The following PRAMEF9 variants were observed in gnomAD, a reference collection of about 807,000 sequenced individuals.
PRAMEF9 encodes PRAME family member 9/15.
PRAMEF9 carries 1 observed loss-of-function variant against 10.9 expected under a neutral mutation model. That is an observed-to-expected ratio of 0.09 (90% CI 0.03 to 0.44). The LOEUF (loss-of-function observed/expected upper bound fraction) is 0.44. PRAMEF9 is among the 20% of genes least tolerant of loss of function. The pLI, the probability that PRAMEF9 is intolerant of heterozygous loss-of-function variation, is 0.97. For synonymous variants in PRAMEF9, 40 were observed against 148.3 expected, an observed-to-expected ratio of 0.27 and a Z score of 5.31; for missense variants, 126 against 379.8, an observed-to-expected ratio of 0.33 and a Z score of 5.55.
intron 1 of PRAMEF9, chr1:13,172,833 G>A (rs1480317048): frequency 7.1e-6 from 1 of 141,684 alleles, no homozygotes; most frequent in African/African-American, 2.5e-5. Flanking sequence ...AGGGGTTTGA[G>A]ACCAACCTGG....
chr1:13,175,186 G>C (rs1217455089), intron 1 of PRAMEF9, 79 bp from the exon 2 acceptor site: 57,348 of 1,365,842 alleles, frequency 0.042, 437 homozygotes, highest in African/African-American at 0.28. Context: ...AGAGCAGTGA[G>C]TTTGGCCATA....
Position 13,176,573 on chromosome 1 carries a change from T to A in PRAMEF9, c.626T>A (p.Ile209Asn). ...SILKMVNLDC[I>N]QEVEVNCKWV... ...CTGAAAATGGTGAACCTAGACTGTA[T>A]CCAGGAGGTGGAAGTGAATTGCAAG... The change falls in exon 3 of 4, where the codon ATC becomes AAC. Residue 209 changes from isoleucine to asparagine, a missense_variant. Coordinates refer to ENST00000415919, the MANE Select transcript of PRAMEF9 (RefSeq NM_001010890.3). 2.5e-6 allele frequency: 1 copy of A among 404,742 alleles called. No individual in the cohort carries two copies. Among genetic ancestry groups the A allele is most frequent in the African/African-American group, 5.3e-5 (1 of 18,822 alleles). 25.1% of individuals were successfully genotyped at this position (404,742 alleles called of 1,614,324 possible).
In PRAMEF9 at chr1:13,175,157, G is replaced by A; in HGVS notation, c.-16-108G>A. 4.0e-6 allele frequency: 5 copies of A among 1,251,116 alleles called. 1 individual carries two copies. The highest frequency in any genetic ancestry group is 1.4e-5 in the African/African-American group (1 of 71,732). 77.5% of individuals were successfully genotyped at this position (1,251,116 alleles called of 1,614,324 possible). A position where few individuals can be genotyped will look rare whatever the true frequency, so the allele number is the denominator to read the frequency against. On this transcript the variant is annotated intron_variant, in intron 1 of 3. Transcript: ENST00000415919. ...ACAGAGTAGAATTGGAGTAAACTGA[G>A]GGCTGTTTCACCATTGCCAGAGCAG...
Position 13,179,000 on chromosome 1 carries a change from A to G in PRAMEF9, c.1305A>G (p.Gln435=), listed in dbSNP as rs782793625. The G allele has an allele frequency of 2.7e-5, 41 of 1,540,994 alleles. 2 individuals carry two copies. The highest frequency in any genetic ancestry group is 1.2e-4 in the African/African-American group (9 of 74,170). Residue 435 remains glutamine (Q), a synonymous_variant, in exon 4 of 4, where the codon CAA becomes CAG. Transcript: ENST00000415919. ...DGTLCWSRFA[Q]IRAELMNRVR... The stretch of plus-strand genomic sequence containing the variant: ...CTCTCTGCTGGAGCAGATTTGCTCA[A>G]ATTAGGGCTGAGCTGATGAACAGAG...
rs1638336019 is a variant in PRAMEF9, at chr1:13,172,489, T to C, written c.-60T>C. ...CTTCAAGCCTGGAGTTCCTGCTTGG[T>C]TCTTCCTGAGGTCTGAGCACCTTCT... On this transcript the variant is annotated 5_prime_UTR_variant, in exon 1 of 4. Transcript: ENST00000415919. 7.1e-6 allele frequency: 1 copy of C among 141,734 alleles called. No individual in the cohort carries two copies. The highest frequency in any genetic ancestry group is 7.3e-5 in the Admixed American group (1 of 13,716). 8.8% of individuals were successfully genotyped at this position (141,734 alleles called of 1,614,324 possible).
chr1:13,172,810 A>T (rs1326989085), intron 1 of PRAMEF9: 1 of 141,552 alleles, frequency 7.1e-6, no homozygotes, highest in African/African-American at 2.4e-5. Context: ...AAGTGGGAGG[A>T]TCATTTCAGC....
chr1:13,175,170 AT>A, intron 1 of PRAMEF9, 94 bp from the exon 2 acceptor site: 2 of 1,280,116 alleles, frequency 1.6e-6, no homozygotes, highest in African/African-American at 1.4e-5. Flanking sequence ...CTGTTTCACC[AT>A]TGCCAGAGCA....
In PRAMEF9 at chr1:13,171,891, T is replaced by C. The variant is rs1472378699; in HGVS notation, c.-658T>C. ...TTTTTTCTTTTTCTTTTTTTTTTTTTTTTTTTTTAAATCTAGCCTATTTCC... is the reference window on the plus strand; with the variant it reads ...TTTTTTCTTTTTCTTTTTTTTTTTTCTTTTTTTTAAATCTAGCCTATTTCC... On this transcript the variant is annotated 5_prime_UTR_variant, in exon 1 of 4. Coordinates refer to ENST00000415919, the MANE Select transcript of PRAMEF9 (RefSeq NM_001010890.3). 1 of 141,134 alleles carries C rather than the reference T, an allele frequency of 7.1e-6. No individual in the cohort carries two copies. Among genetic ancestry groups the C allele is most frequent in the Non-Finnish European group, 1.6e-5 (1 of 62,368 alleles). 8.7% of individuals were successfully genotyped at this position (141,134 alleles called of 1,614,324 possible).
At chr1:13,175,009 C>G (rs1334750678) in intron 1 of PRAMEF9, 10 of 424,930 alleles carry the variant, frequency 2.4e-5, no homozygotes, top group African/African-American at 1.8e-4. Flanking sequence ...TCCACACTCA[C>G]TAGTCACTGG....
At position 13,172,527 on chromosome 1, in the gene PRAMEF9, G is replaced by T. The variant is rs1298505568; in HGVS notation, c.-22G>T. On this transcript the variant is annotated 5_prime_UTR_variant, in exon 1 of 4. Coordinates refer to ENST00000415919, the MANE Select transcript of PRAMEF9 (RefSeq NM_001010890.3). The stretch of plus-strand genomic sequence containing the variant: ...CTGAGCACCTTCTAAACTACATCCA[G>T]ATCTGGTAAGTCACTAATTTCTGTA... 9 of 140,864 alleles carry T rather than the reference G, an allele frequency of 6.4e-5. No homozygotes were observed. The highest frequency in any genetic ancestry group is 2.2e-4 in the African/African-American group (9 of 40,698). The allele number at this position is 140,864 out of a possible 1,614,324, so 8.7% of individuals were successfully genotyped here.
rs1638318281 is a variant in PRAMEF9 at position 13,171,865 on chromosome 1, C to CTTTTCTCTTT, written c.-680_-679insCTCTTTTTTT. On this transcript the variant is annotated 5_prime_UTR_variant, in exon 1 of 4. Coordinates refer to ENST00000415919, the MANE Select transcript of PRAMEF9 (RefSeq NM_001010890.3). Reference sequence around the variant, plus strand: ...GAATCAAATGTAGTTCTCTCTCTCTCTTTTTTCTTTTTCTTTTTTTTTTTT... The same window carrying CTTTTCTCTTT: ...GAATCAAATGTAGTTCTCTCTCTCTCTTTTCTCTTTTTTTTTCTTTTTCTTTTTTTTTTTT... The CTTTTCTCTTT allele has an allele frequency of 8.0e-6, 1 of 124,578 alleles. No homozygotes were observed. Among genetic ancestry groups the CTTTTCTCTTT allele is most frequent in the African/African-American group, 2.6e-5 (1 of 39,152 alleles). The allele number at this position is 124,578 out of a possible 1,614,324, so 7.7% of individuals were successfully genotyped here.
chr1:13,175,090 T>C lies in PRAMEF9; in HGVS notation c.-16-175T>C, dbSNP rs1455170000. 19 of 683,560 alleles carry C rather than the reference T, an allele frequency of 2.8e-5. No homozygotes were observed. In the African/African-American group the frequency reaches 3.2e-4, roughly 12 times the overall value. 42.3% of individuals were successfully genotyped at this position (683,560 alleles called of 1,614,324 possible). A position where few individuals can be genotyped will look rare whatever the true frequency, so the allele number is the denominator to read the frequency against. The stretch of plus-strand genomic sequence containing the variant: ...CTCACTGCTTCGGAGACGCTCATGC[T>C]GATGCAGCAGAGGCAGAATGCTGGC... On this transcript the variant is annotated intron_variant, in intron 1 of 3. Coordinates refer to ENST00000415919, the MANE Select transcript of PRAMEF9 (RefSeq NM_001010890.3).
intron 1 of PRAMEF9, 141 bp downstream of exon 1, chr1:13,172,673 A>G (rs1442460500): frequency 1.3e-4 from 17 of 132,568 alleles, no homozygotes; most frequent in African/African-American, 3.9e-4. Flanking sequence ...GAAGCTTTGA[A>G]TGTTTTCCTC....
In PRAMEF9 at chr1:13,172,047, G is replaced by A. The variant is rs1241440541; in HGVS notation, c.-502G>A. 1.1e-4 allele frequency: 16 copies of A among 143,198 alleles called. No homozygotes were observed. Among genetic ancestry groups the A allele is most frequent in the African/African-American group, 3.7e-4 (15 of 40,866 alleles). The allele number at this position is 143,198 out of a possible 1,614,324, so 8.9% of individuals were successfully genotyped here. A position where few individuals can be genotyped will look rare whatever the true frequency, so the allele number is the denominator to read the frequency against. The stretch of plus-strand genomic sequence containing the variant: ...AGACCACCGCAACTGGCTAATTTTT[G>A]TAATTTTAGTAGAGGTAGGGTTTTA... On this transcript the variant is annotated 5_prime_UTR_variant, in exon 1 of 4. Coordinates refer to ENST00000415919, the MANE Select transcript of PRAMEF9 (RefSeq NM_001010890.3).
At position 13,172,249 on chromosome 1, in the gene PRAMEF9, T is replaced by A. The variant is rs1227202943; in HGVS notation, c.-300T>A. 4.1e-5 allele frequency: 6 copies of A among 144,888 alleles called. 2 individuals are homozygous for A. The East Asian group carries it at 1.1e-3, about 26-fold the overall frequency. The allele number at this position is 144,888 out of a possible 1,614,324, so 9.0% of individuals were successfully genotyped here. On this transcript the variant is annotated 5_prime_UTR_variant, in exon 1 of 4. Transcript: ENST00000415919. The stretch of plus-strand genomic sequence containing the variant: ...TCTTGCTTCGTGAAGTGAATATAGA[T>A]ATGTGATATGAATGGACATCTGATT...
rs1157697429 is a variant in PRAMEF9 at position 13,172,402 on chromosome 1, T to G, written c.-147T>G. 3 of 143,272 alleles carry G rather than the reference T, an allele frequency of 2.1e-5. 1 individual carries two copies. In the Admixed American group the frequency reaches 2.1e-4, roughly 10 times the overall value. 8.9% of individuals were successfully genotyped at this position (143,272 alleles called of 1,614,324 possible). On this transcript the variant is annotated 5_prime_UTR_variant, in exon 1 of 4. Transcript: ENST00000415919. Reference sequence around the variant, plus strand: ...CAGCGGATACGTGGAGGGGCGTGGGTGGGAGTTATGATTAGAAAGGTCAAT... The same window carrying G: ...CAGCGGATACGTGGAGGGGCGTGGGGGGGAGTTATGATTAGAAAGGTCAAT...
At chr1:13,175,110 G>C (rs879075259) in intron 1 of PRAMEF9, 155 bp from the exon 2 acceptor site, 64,069 of 793,992 alleles carry the variant, frequency 0.081, 861 homozygotes, top group South Asian at 0.12. Context: ...GAGGCAGAAT[G>C]CTGGCTTAAT....
rs1177642860 is a variant in PRAMEF9 at position 13,172,396 on chromosome 1, C to T, written c.-153C>T. 3 of 143,548 alleles carry T rather than the reference C, an allele frequency of 2.1e-5. No individual in the cohort carries two copies. The highest frequency in any genetic ancestry group is 3.1e-5 in the Non-Finnish European group (2 of 63,604). The allele number at this position is 143,548 out of a possible 1,614,324, so 8.9% of individuals were successfully genotyped here. A position where few individuals can be genotyped will look rare whatever the true frequency, so the allele number is the denominator to read the frequency against. On this transcript the variant is annotated 5_prime_UTR_variant, in exon 1 of 4. Transcript: ENST00000415919. ...AGCTAGCAGCGGATACGTGGAGGGG[C>T]GTGGGTGGGAGTTATGATTAGAAAG...
At chr1:13,172,983 A>C (rs1405361755) in intron 1 of PRAMEF9, 7 of 127,730 alleles carry the variant, frequency 5.5e-5, no homozygotes, top group Non-Finnish European at 5.4e-5. Context: ...AGCAATTCTC[A>C]TGCCTCAGTC....
Sources: allele counts gnomAD v4.1 joint callset, GRCh38; gene constraint gnomAD v4.1.1; transcripts MANE v1.5; gene names NCBI Gene and HGNC (gene_info 2026-07-23, HGNC 2026-07-21).